Variants in ZNF644 observed in about 807,000 individuals in gnomAD.
ZNF644 encodes zinc finger protein 644.
Under a neutral mutation model 108.0 loss-of-function variants are expected in ZNF644, and 20 were observed. That is an observed-to-expected ratio of 0.19 (90% CI 0.13 to 0.27). The LOEUF (loss-of-function observed/expected upper bound fraction) is 0.27. Ranked by LOEUF, ZNF644 falls within the 10% of genes least tolerant of loss-of-function variation. The pLI is 1.00. For synonymous variants in ZNF644, 542 were observed against 539.1 expected, an observed-to-expected ratio of 1.01 and a Z score of -0.08; for missense variants, 1,338 against 1,548.9, an observed-to-expected ratio of 0.86 and a Z score of 2.29.
intron 1 of ZNF644, among the ~76,000 whole-genome samples, chr1:90,998,819 G>A (rs997163334): frequency 6.6e-6 from 1 of 152,132 alleles, no homozygotes; most frequent in African/African-American, 2.4e-5. Context: ...TAGACAAATG[G>A]CTAACAGAAT....
At chr1:91,003,488 A>T (rs1659093831) in intron 1 of ZNF644, among the ~76,000 whole-genome samples, 1 of 151,872 alleles carries the variant, frequency 6.6e-6, no homozygotes, top group Admixed American at 6.6e-5. Flanking sequence ...CAATGAGAAC[A>T]CTTGGACACA....
chr1:91,006,536 A>T (rs56259033), intron 1 of ZNF644, among the ~76,000 whole-genome samples: 11 of 152,366 alleles, frequency 7.2e-5, no homozygotes, highest in South Asian at 6.2e-4. Context: ...ACTCACTCCT[A>T]TAAGGCCAAT....
intron 1 of ZNF644, among the ~76,000 whole-genome samples, chr1:91,002,017 C>T (rs530658449): frequency 2.7e-4 from 41 of 152,130 alleles, no homozygotes; most frequent in African/African-American, 8.4e-4. Flanking sequence ...CATTGCTCAA[C>T]GAAATAAAAG....
chr1:91,001,431 A>C (rs1187342781), intron 1 of ZNF644, among the ~76,000 whole-genome samples: 2 of 152,310 alleles, frequency 1.3e-5, no homozygotes, highest in East Asian at 3.9e-4. Context: ...CCAAAGACAA[A>C]AACCACATGA....
In ZNF644 at chr1:90,938,226, TAGAACAC is replaced by T. The variant is rs1475254943; in HGVS notation, c.3082+39_3082+45del. ...AAAAAAACTTTTAAATCTTCAGAAT[TAGAACAC>T]AGACCTATCAGCCCAAATCATCCCC... On this transcript the variant is annotated intron_variant, in intron 3 of 5. Transcript: ENST00000337393. The surrounding 1 kb of genome is among the most constrained non-coding windows in gnomAD (Gnocchi z 4.2). 6 of 1,613,684 alleles carry T rather than the reference TAGAACAC, an allele frequency of 3.7e-6. No individual in the cohort carries two copies. The highest frequency in any genetic ancestry group is 5.1e-6 in the Non-Finnish European group (6 of 1,179,744).
At chr1:91,002,817 TCAAA>T (rs1658999384) in intron 1 of ZNF644, among the ~76,000 whole-genome samples, 1 of 151,916 alleles carries the variant, frequency 6.6e-6, no homozygotes, top group Non-Finnish European at 1.5e-5. Flanking sequence ...TATAATGAAC[TCAAA>T]CAAAGTTACC....
intron 1 of ZNF644, among the ~76,000 whole-genome samples, chr1:90,997,238 TA>T (rs1658234555): frequency 6.6e-6 from 1 of 151,978 alleles, no homozygotes; most frequent in South Asian, 2.1e-4. Flanking sequence ...AAGCAGGAAG[TA>T]AAAAGTAAGG....
chr1:91,012,706 G>A (rs1342457951), intron 1 of ZNF644, among the ~76,000 whole-genome samples: 2 of 152,036 alleles, frequency 1.3e-5, no homozygotes, highest in Non-Finnish European at 2.9e-5. Flanking sequence ...TCTCATGTCT[G>A]TGCTTTTTTT....
At chr1:90,993,592 G>A (rs146215058) in intron 1 of ZNF644, among the ~76,000 whole-genome samples, 1 of 152,120 alleles carries the variant, frequency 6.6e-6, no homozygotes, top group Non-Finnish European at 1.5e-5. Context: ...CTTAGCCCTA[G>A]GAGTTATTTT....
intron 2 of ZNF644, among the ~76,000 whole-genome samples, chr1:90,975,737 C>A (rs1041185424): frequency 6.6e-6 from 1 of 152,148 alleles, no homozygotes; most frequent in African/African-American, 2.4e-5. Context: ...AGCCACCACG[C>A]CTGGCCTCAA....
chr1:90,938,938 C>T lies in ZNF644; in HGVS notation c.2416G>A (p.Val806Ile). The change falls in exon 3 of 6, where the codon GTA becomes ATA. Residue 806 changes from valine (V) to isoleucine (I), a missense_variant. By Grantham distance (29) the Val-to-Ile change is conservative. Around this residue, in one of 6 missense-constraint regions of ZNF644, gnomAD observed 462 missense variants for 472.6 expected, o/e 0.98. Transcript: ENST00000337393. This position sits in a 1 kb window ranked among gnomAD's most constrained non-coding sequence, Gnocchi z 4.2. Reference sequence around the variant, plus strand: ...TCCTTAATTACTCTCTTTACAGCTACACGTCTGTGATCTTTGAAGCTTTCA... The same window carrying T: ...TCCTTAATTACTCTCTTTACAGCTATACGTCTGTGATCTTTGAAGCTTTCA... ...RPESFKDHRR[V>I]AVKRVIKESK... 1 of 1,614,032 alleles carries T rather than the reference C, an allele frequency of 6.2e-7. No homozygotes were observed. Among genetic ancestry groups the T allele is most frequent in the Non-Finnish European group, 8.5e-7 (1 of 1,179,954 alleles).
At position 90,939,233 on chromosome 1, in the gene ZNF644, C is replaced by G; in HGVS notation, c.2121G>C (p.Lys707Asn). Residue 707 changes from lysine to asparagine, a missense_variant, in exon 3 of 6, where the codon AAG (lysine) becomes AAC (asparagine). Coordinates refer to ENST00000337393, the MANE Select transcript of ZNF644 (RefSeq NM_201269.3). ...CAACGCTGCTTTTAATTGTAACATTCTTATGAGGAGAGCTGTTTTGATTGC... is the reference window on the plus strand; with the variant it reads ...CAACGCTGCTTTTAATTGTAACATTGTTATGAGGAGAGCTGTTTTGATTGC... Reference protein sequence around the residue: ...NMCNQNSSPHKNVTIKSSVDQ... With the variant: ...NMCNQNSSPHNNVTIKSSVDQ... 6.2e-7 allele frequency: 1 copy of G among 1,613,986 alleles called. No homozygotes were observed.
chr1:90,928,481 C>T (rs922384902), intron 4 of ZNF644, among the ~76,000 whole-genome samples: 3 of 151,854 alleles, frequency 2.0e-5, no homozygotes, highest in African/African-American at 4.8e-5. Context: ...CCACGCCTGG[C>T]TAGTTCTTTG....
At chr1:90,920,498 A>G (rs1352593610) in intron 4 of ZNF644, among the ~76,000 whole-genome samples, 1 of 152,068 alleles carries the variant, frequency 6.6e-6, no homozygotes, top group African/African-American at 2.4e-5. Flanking sequence ...GGAACTGGAA[A>G]TGTTTATTCT....
chr1:90,996,611 C>T (rs535924285), intron 1 of ZNF644, among the ~76,000 whole-genome samples: 9 of 152,172 alleles, frequency 5.9e-5, no homozygotes, highest in African/African-American at 1.7e-4. Context: ...ATGGTGGTAC[C>T]CCGTCTCTAA....
chr1:91,015,939 T>A (rs775089567), intron 1 of ZNF644, among the ~76,000 whole-genome samples: 1 of 152,226 alleles, frequency 6.6e-6, no homozygotes, highest in Non-Finnish European at 1.5e-5. Context: ...ACATGAATTA[T>A]GTAATATCAA....
intron 2 of ZNF644, among the ~76,000 whole-genome samples, chr1:90,980,217 C>T (rs1983779): frequency 0.013 from 1,934 of 152,244 alleles, 39 homozygotes; most frequent in African/African-American, 0.044. Flanking sequence ...AGACAAACTA[C>T]GGCCAGGCAT....
At chr1:90,972,085 C>T (rs767648393) in intron 2 of ZNF644, among the ~76,000 whole-genome samples, 8 of 152,114 alleles carry the variant, frequency 5.3e-5, no homozygotes, top group Non-Finnish European at 8.8e-5. Context: ...TACACCACTG[C>T]ACTCCAGTGT....
intron 2 of ZNF644, among the ~76,000 whole-genome samples, chr1:90,979,949 T>C (rs1173047926): frequency 1.3e-5 from 2 of 152,192 alleles, no homozygotes; most frequent in African/African-American, 2.4e-5. Context: ...AATATTTTAT[T>C]TCTCTTTCTA....
Sources: allele counts gnomAD v4.1 joint callset (sites outside exome capture counted in the v4.1 genomes callset), GRCh38; gene constraint gnomAD v4.1.1; regional missense constraint gnomAD v4.1.1; non-coding constraint Gnocchi (gnomAD v3.1); transcripts MANE v1.5; gene names NCBI Gene and HGNC (gene_info 2026-07-23, HGNC 2026-07-21).